Variants in SORCS3 observed in about 807,000 individuals in gnomAD.
The protein encoded by SORCS3 is sortilin related VPS10 domain containing receptor 3.
SORCS3 carries 57 observed loss-of-function variants against 146.3 expected under a neutral mutation model. The ratio of observed to expected loss-of-function variants is 0.39; its 90% CI spans 0.31 to 0.49. The LOEUF (loss-of-function observed/expected upper bound fraction) is 0.49, where lower values mean the gene tolerates loss of function less well. SORCS3 is among the 20% of genes least tolerant of loss of function. The probability of loss-of-function intolerance (pLI) is 0.92; values close to 1 mark genes in which losing one functional copy is unlikely to be tolerated. For missense variants in SORCS3, 1,341 were observed against 1,575.5 expected (o/e 0.85, Z 2.52); for synonymous variants, 653 against 618.5 (o/e 1.06, Z -0.83).
chr10:105,020,924 A>C (rs563505268), intron 4 of SORCS3, among the ~76,000 whole-genome samples: 3 of 152,342 alleles, frequency 2.0e-5, no homozygotes, highest in African/African-American at 7.2e-5. Flanking sequence ...GCCACAGTAC[A>C]TAATGTCTAA....
chr10:105,217,317 C>T (rs900038435), intron 19 of SORCS3, among the ~76,000 whole-genome samples, 195 bp downstream of exon 19: 1 of 152,164 alleles, frequency 6.6e-6, no homozygotes, highest in Admixed American at 6.5e-5. Context: ...TTTTGAAGTT[C>T]GGATAACATA....
At chr10:104,792,179 TG>T (rs1032685518) in intron 1 of SORCS3, among the ~76,000 whole-genome samples, 5 of 152,150 alleles carry the variant, frequency 3.3e-5, no homozygotes, top group African/African-American at 9.7e-5. Context: ...CTCATGTTTT[TG>T]GGGTGGTTCT....
At chr10:105,180,582 A>G (rs1056435152) in intron 14 of SORCS3, among the ~76,000 whole-genome samples, 4 of 152,216 alleles carry the variant, frequency 2.6e-5, no homozygotes, top group African/African-American at 9.6e-5. Flanking sequence ...GAAATTAAAA[A>G]ATCTGATCAA....
chr10:104,858,674 T>G (rs2018362867), intron 2 of SORCS3, among the ~76,000 whole-genome samples: 1 of 149,438 alleles, frequency 6.7e-6, no homozygotes, highest in Non-Finnish European at 1.5e-5. Flanking sequence ...CAGGCTGGAG[T>G]GCAATGGTGT....
intron 1 of SORCS3, among the ~76,000 whole-genome samples, chr10:104,715,396 G>GT (rs905227896): frequency 6.6e-6 from 1 of 152,200 alleles, no homozygotes; most frequent in Non-Finnish European, 1.5e-5. Flanking sequence ...GACTCCAGGA[G>GT]TTACACCATC....
chr10:105,082,849 G>C (rs1322429366), intron 5 of SORCS3, among the ~76,000 whole-genome samples: 1 of 152,116 alleles, frequency 6.6e-6, no homozygotes, highest in Admixed American at 6.6e-5. Flanking sequence ...TCCTGCCTCA[G>C]CCTCCTGAGT....
At chr10:105,233,976 T>C (rs1243567495) in intron 20 of SORCS3, among the ~76,000 whole-genome samples, 2 of 152,136 alleles carry the variant, frequency 1.3e-5, no homozygotes, top group Non-Finnish European at 2.9e-5. Flanking sequence ...TTCTTCTTCA[T>C]TGTTCTTTCT....
chr10:105,182,017 A>G (rs2119570227), intron 14 of SORCS3, among the ~76,000 whole-genome samples: 1 of 152,250 alleles, frequency 6.6e-6, no homozygotes, highest in Admixed American at 6.5e-5. Flanking sequence ...GTTTGAACCA[A>G]TTGGCTATGA....
intron 5 of SORCS3, among the ~76,000 whole-genome samples, chr10:105,083,155 A>T (rs1282531358): frequency 6.6e-6 from 1 of 152,196 alleles, no homozygotes; most frequent in South Asian, 2.1e-4. Context: ...GGAATACAGC[A>T]TACTCAAATA....
chr10:104,850,837 CA>C (rs1248672133), intron 2 of SORCS3, among the ~76,000 whole-genome samples: 1 of 152,204 alleles, frequency 6.6e-6, no homozygotes, highest in African/African-American at 2.4e-5. Flanking sequence ...TTATGATACC[CA>C]AAAGATACCT....
At chr10:105,128,349 A>G (rs10509782) in intron 7 of SORCS3, among the ~76,000 whole-genome samples, 73,583 of 151,924 alleles carry the variant, frequency 0.48, 18,357 homozygotes, top group Non-Finnish European at 0.54. Flanking sequence ...CTGTTGTCCC[A>G]AAATTCACTC....
In SORCS3 at chr10:105,214,624, A is replaced by G. The variant is rs780476547; in HGVS notation, c.2547+11A>G. The G allele has an allele frequency of 6.4e-7, 1 of 1,551,074 alleles. No homozygotes were observed. Among genetic ancestry groups the G allele is most frequent in the East Asian group, 2.3e-5 (1 of 43,592 alleles). On this transcript the variant is annotated intron_variant, in intron 18 of 26. Transcript: ENST00000369701. ...ATCCTCATGGAGGAGGTAGGTGCTCAACTGGGTCTCTGAGGTCAGAACTCC... is the reference window on the plus strand; with the variant it reads ...ATCCTCATGGAGGAGGTAGGTGCTCGACTGGGTCTCTGAGGTCAGAACTCC...
chr10:104,768,833 A>C (rs781238675), intron 1 of SORCS3, among the ~76,000 whole-genome samples: 3 of 152,202 alleles, frequency 2.0e-5, no homozygotes, highest in Admixed American at 2.0e-4. Flanking sequence ...GTGACCTGTC[A>C]TGGAGGCAAA....
chr10:105,033,633 G>A (rs2055285514), intron 4 of SORCS3, among the ~76,000 whole-genome samples: 1 of 152,168 alleles, frequency 6.6e-6, no homozygotes, highest in Admixed American at 6.5e-5. Flanking sequence ...GTTTGGATGA[G>A]TTACATAGAG....
chr10:104,771,324 T>C (rs554702334), intron 1 of SORCS3, among the ~76,000 whole-genome samples: 38 of 152,170 alleles, frequency 2.5e-4, no homozygotes, highest in Non-Finnish European at 4.4e-4. Flanking sequence ...TTGAATTCTG[T>C]GTGGATGTTG....
rs565751625 is a variant in SORCS3 at position 104,671,608 on chromosome 10, G to A, written c.627+29654G>A. On this transcript the variant is annotated intron_variant, in intron 1 of 26. Transcript: ENST00000369701. Reference sequence around the variant, plus strand: ...CTGCCTCAGGCTCTCAAAGTGCTGGGATCACAGGTGTGAGCCACCATGCCT... The same window carrying A: ...CTGCCTCAGGCTCTCAAAGTGCTGGAATCACAGGTGTGAGCCACCATGCCT... Among the ~76,000 whole-genome samples, 6 of 151,830 alleles carry A rather than the reference G, an allele frequency of 4.0e-5. No individual in the cohort carries two copies. The South Asian group carries it at 1.2e-3, about 32-fold the overall frequency.
chr10:104,843,882 T>C (rs1195041344), intron 2 of SORCS3, among the ~76,000 whole-genome samples: 1 of 152,204 alleles, frequency 6.6e-6, no homozygotes, highest in Admixed American at 6.5e-5. Context: ...GATGTGTCAA[T>C]ACTGGGCAGG....
intron 14 of SORCS3, among the ~76,000 whole-genome samples, chr10:105,194,573 CA>C (rs2119600654): frequency 6.6e-6 from 1 of 152,188 alleles, no homozygotes; most frequent in East Asian, 1.9e-4. Context: ...TTCTCTTTGC[CA>C]AAGACCTGAG....
At chr10:104,694,009 C>T (rs1463548667) in intron 1 of SORCS3, among the ~76,000 whole-genome samples, 2 of 151,938 alleles carry the variant, frequency 1.3e-5, no homozygotes, top group South Asian at 2.1e-4. Context: ...AGGATGAGTA[C>T]AGGTTTCTAC....
Sources: gnomAD v4.1 joint callset for allele counts (sites outside exome capture counted in the v4.1 genomes callset) on GRCh38, gnomAD v4.1.1 for gene constraint, MANE v1.5 for transcripts, NCBI Gene and HGNC (gene_info 2026-07-23, HGNC 2026-07-21) for gene names.